The following CCDC28B variants were observed in gnomAD, a reference collection of about 807,000 sequenced individuals.
CCDC28B encodes the protein coiled-coil domain-containing protein 28B.
CCDC28B carries 17 observed loss-of-function variants against 18.7 expected under a neutral mutation model. The ratio of observed to expected loss-of-function variants is 0.91; its 90% CI spans 0.62 to 1.36. CCDC28B has a LOEUF of 1.36. Among genes scored for constraint, CCDC28B ranks in the 40% most tolerant of loss-of-function variants. CCDC28B has a pLI of 0.00. For synonymous variants in CCDC28B, 116 were observed against 105.1 expected (o/e 1.10, Z -0.64); for missense variants, 213 against 251.7 (o/e 0.85, Z 1.04).
chr1:32,198,911 T>G (rs565169389), upstream of CCDC28B, among the ~76,000 whole-genome samples: 13 of 152,304 alleles, frequency 8.5e-5, no homozygotes, highest in African/African-American at 3.1e-4. Flanking sequence ...CATAGGCCAT[T>G]TGAGGCCCAG....
In CCDC28B at chr1:32,205,088, C is replaced by T; in HGVS notation, c.549-106C>T. 1.4e-6 allele frequency: 2 copies of T among 1,397,550 alleles called. No individual in the cohort carries two copies. Among genetic ancestry groups the T allele is most frequent in the African/African-American group, 1.4e-5 (1 of 69,722 alleles). The allele number at this position is 1,397,550 out of a possible 1,614,324, so 86.6% of individuals were successfully genotyped here. ...CAGTCCACAGACGGCCCGAGACCCT[C>T]GTCCCCGGCCCTTTGCACAGGTGAG... On this transcript the variant is annotated intron_variant, in intron 5 of 5. Transcript: ENST00000373602. This position sits in a 1 kb window ranked among gnomAD's most constrained non-coding sequence, Gnocchi z 5.6.
rs772436511 is a variant in CCDC28B, at chr1:32,203,924, C to T, written c.210C>T (p.Ser70=). The T allele has an allele frequency of 3.4e-5, 52 of 1,540,610 alleles. No individual in the cohort carries two copies. Among genetic ancestry groups the T allele is most frequent in the African/African-American group, 5.5e-5 (4 of 72,172 alleles). ...GCCCAGTCCTGGCTGGAGGTGGAAGCGGCTCTGCAGGCACGCCCCTGCAGC... is the reference window on the plus strand; with the variant it reads ...GCCCAGTCCTGGCTGGAGGTGGAAGTGGCTCTGCAGGCACGCCCCTGCAGC... The part of the protein sequence containing the change: ...KCRPVLAGGG[S]GSAGTPLQHS... The change falls in exon 3 of 6, where the codon AGC becomes AGT. Residue 70 remains serine, a synonymous_variant. Coordinates refer to ENST00000373602, the MANE Select transcript of CCDC28B (RefSeq NM_024296.5).
intron 5 of CCDC28B, 198 bp downstream of exon 5, chr1:32,204,818 G>C: frequency 6.4e-7 from 1 of 1,572,280 alleles, no homozygotes; most frequent in Non-Finnish European, 8.6e-7. Flanking sequence ...GGTTGTAGGG[G>C]ATGTTTTACT....
intron 5 of CCDC28B, chr1:32,204,876 A>G: frequency 6.6e-7 from 1 of 1,515,990 alleles, no homozygotes; most frequent in Non-Finnish European, 8.9e-7. Context: ...AATCATAGCA[A>G]AGCTTGTCCG....
intron 2 of CCDC28B, 83 bp from the exon 3 acceptor site, chr1:32,203,796 G>A (rs934683610): frequency 5.4e-6 from 6 of 1,111,708 alleles, no homozygotes; most frequent in Non-Finnish European, 7.5e-6. Flanking sequence ...AGATAAACTG[G>A]TGCATAGGCA....
At chr1:32,202,427 A>C in intron 2 of CCDC28B, 1 of 460,610 alleles carries the variant, frequency 2.2e-6, no homozygotes, top group South Asian at 1.8e-5. Flanking sequence ...GGTTTCAGGA[A>C]CCACAGGTGG....
upstream of CCDC28B, among the ~76,000 whole-genome samples, chr1:32,199,099 C>T (rs1037312675): frequency 6.6e-6 from 1 of 152,186 alleles, no homozygotes; most frequent in South Asian, 2.1e-4. Context: ...GCATGGGACT[C>T]CTATATGGGA....
chr1:32,196,587 A>G (rs181895603), upstream of CCDC28B: 1 of 152,116 alleles, frequency 6.6e-6, no homozygotes, highest in East Asian at 1.9e-4. Context: ...GAGCCATTCT[A>G]TATGCTGAAT....
chr1:32,204,505 C>T (rs1643254105), intron 4 of CCDC28B, 93 bp from the exon 5 acceptor site: 1 of 1,516,432 alleles, frequency 6.6e-7, no homozygotes. Flanking sequence ...GCTCTGGGCC[C>T]CTCAACCTCC....
chr1:32,204,215 C>T lies in CCDC28B; in HGVS notation c.361C>T (p.His121Tyr). Reference sequence around the variant, plus strand: ...GGAATGCTCCTTTGAGCAGCTGGAGCACGTTCGGGAGATGCAGGAGAAGCT... The same window carrying T: ...GGAATGCTCCTTTGAGCAGCTGGAGTACGTTCGGGAGATGCAGGAGAAGCT... ...GKECSFEQLEHVREMQEKLAR... is the reference protein window; with the variant it reads ...GKECSFEQLEYVREMQEKLAR... Residue 121 changes from histidine to tyrosine, a missense_variant, in exon 4 of 6, where the codon CAC becomes TAC. By Grantham distance (83) the His-to-Tyr change is moderately conservative. Transcript: ENST00000373602. 1 of 1,614,060 alleles carries T rather than the reference C, an allele frequency of 6.2e-7. No homozygotes were observed. Among genetic ancestry groups the T allele is most frequent in the Non-Finnish European group, 8.5e-7 (1 of 1,180,016 alleles).
upstream of CCDC28B, among the ~76,000 whole-genome samples, chr1:32,199,564 C>T (rs1218941181): frequency 6.6e-6 from 1 of 152,190 alleles, no homozygotes; most frequent in Non-Finnish European, 1.5e-5. Flanking sequence ...GTCTGGGCCC[C>T]TGGTTATTGA....
chr1:32,202,234 C>T (rs776543943), intron 2 of CCDC28B, 135 bp downstream of exon 2: 2 of 1,160,900 alleles, frequency 1.7e-6, no homozygotes, highest in Non-Finnish European at 1.3e-6. Context: ...CCTGAGAACT[C>T]AGAGCTCACT....
In CCDC28B at chr1:32,204,316, G is replaced by C. The variant is rs6697820; in HGVS notation, c.462G>C (p.Glu154Asp). ...DDEEEEDGVTEGLPEEQKKTM... is the reference protein window; with the variant it reads ...DDEEEEDGVTDGLPEEQKKTM... ...AAGAGGAAGAGGATGGGGTCACTGA[G>C]GGGCTGCCAGAGGAGCAGAAGAAGA... The change falls in exon 4 of 6, where the codon GAG (glutamate) becomes GAC (aspartate). Residue 154 changes from glutamate (E) to aspartate (D), a missense_variant. By Grantham distance (45) the Glu-to-Asp change is conservative. Transcript: ENST00000373602. 6 of 1,611,352 alleles carry C rather than the reference G, an allele frequency of 3.7e-6. No homozygotes were observed. Among genetic ancestry groups the C allele is most frequent in the Non-Finnish European group, 5.1e-6 (6 of 1,178,686 alleles).
chr1:32,203,676 C>T (rs1321658), intron 2 of CCDC28B, among the ~76,000 whole-genome samples: 1 of 152,140 alleles, frequency 6.6e-6, no homozygotes, highest in Non-Finnish European at 1.5e-5. Context: ...GAAAAGACTT[C>T]TTTTTGACCT....
chr1:32,204,450 A>G, intron 4 of CCDC28B, 71 bp downstream of exon 4: 1 of 1,517,894 alleles, frequency 6.6e-7, no homozygotes, highest in Non-Finnish European at 8.8e-7. Flanking sequence ...TCCCAAAGCC[A>G]TTCCTGGGCC....
Position 32,204,844 on chromosome 1 carries a change from TGTGA to T in CCDC28B, c.548+227_548+230del, listed in dbSNP as rs1257949061. The T allele has an allele frequency of 3.2e-6, 5 of 1,549,944 alleles. No individual in the cohort carries two copies. In the East Asian group the frequency reaches 7.3e-5, roughly 23 times the overall value. On this transcript the variant is annotated intron_variant, in intron 5 of 5. Transcript: ENST00000373602. ...ATGTTTTACTACTGATCAAAATCTT[TGTGA>T]GTACTTTAGCTGACATCAATCATAG...
rs1229128380 is a variant in CCDC28B at position 32,204,259 on chromosome 1, C to T, written c.405C>T (p.Ser135=). The T allele has an allele frequency of 1.2e-6, 2 of 1,614,008 alleles. No individual in the cohort carries two copies. Among genetic ancestry groups the T allele is most frequent in the Middle Eastern group, 3.3e-4 (2 of 6,060 alleles). ...AGAAGCTAGCCCGGCTGCACTTCAG[C>T]CTGGATGTGTGTGGGGAGGAGGAGG... ...MQEKLARLHF[S]LDVCGEEEDD... is the part of the protein sequence containing the mutation. Residue 135 remains serine (S), a synonymous_variant, in exon 4 of 6, where the codon AGC becomes AGT. Coordinates refer to ENST00000373602, the MANE Select transcript of CCDC28B (RefSeq NM_024296.5).
At chr1:32,199,750 T>C (rs1643108416), upstream of CCDC28B, among the ~76,000 whole-genome samples, 1 of 152,168 alleles carries the variant, frequency 6.6e-6, no homozygotes, top group Non-Finnish European at 1.5e-5. Flanking sequence ...GCTGGGTGGC[T>C]GTGTGCACTG....
At chr1:32,197,240 G>C (rs1465614906), upstream of CCDC28B, 1 of 152,294 alleles carries the variant, frequency 6.6e-6, no homozygotes, top group Non-Finnish European at 1.5e-5. This position sits in a 1 kb window ranked among gnomAD's most constrained non-coding sequence, Gnocchi z 4.6. Flanking sequence ...CCCTTGAAGA[G>C]AGGGGAAAGG....
Sources: allele counts gnomAD v4.1 joint callset (sites outside exome capture counted in the v4.1 genomes callset), GRCh38; gene constraint gnomAD v4.1.1; non-coding constraint Gnocchi (gnomAD v3.1); transcripts MANE v1.5; gene names NCBI Gene and HGNC (gene_info 2026-07-23, HGNC 2026-07-21).